Variants in ABCA12 observed in about 807,000 individuals in gnomAD.
ABCA12 encodes the protein ATP binding cassette subfamily A member 12.
ABCA12 carries 156 observed loss-of-function variants against 293.5 expected under a neutral mutation model. The observed-to-expected ratio is 0.53, with a 90% CI of 0.47 to 0.61. The LOEUF is 0.61. Among genes scored for constraint, ABCA12 ranks in the 20% least tolerant of loss-of-function variants. The pLI is 0.00. For missense variants in ABCA12, 2,797 were observed against 3,090.2 expected (o/e 0.91, Z 2.25); for synonymous variants, 1,063 against 1,108.0 (o/e 0.96, Z 0.81).
intron 2 of ABCA12, among the ~76,000 whole-genome samples, chr2:215,068,796 T>A (rs1701683042): frequency 6.6e-6 from 1 of 152,204 alleles, no homozygotes; most frequent in Admixed American, 6.5e-5. Context: ...TCTCAATGTC[T>A]TCCTTTACTT....
chr2:214,946,260 GTTA>G (rs1324741293), intron 48 of ABCA12, among the ~76,000 whole-genome samples: 2 of 152,056 alleles, frequency 1.3e-5, no homozygotes, highest in East Asian at 3.8e-4. Context: ...AGAAATTAGT[GTTA>G]ATTTGGGGAA....
intron 50 of ABCA12, among the ~76,000 whole-genome samples, chr2:214,938,014 G>A (rs1362197312): frequency 3.3e-5 from 5 of 152,012 alleles, no homozygotes; most frequent in African/African-American, 1.2e-4. Context: ...GTGCAGGTTT[G>A]TTTCATAGGT....
intron 11 of ABCA12, chr2:215,022,961 AAAGAT>A (rs1700661621): frequency 6.6e-6 from 1 of 152,354 alleles, no homozygotes; most frequent in East Asian, 1.9e-4. Flanking sequence ...TGGAAAGAAA[AAAGAT>A]AAAACAATGA....
At chr2:214,959,437 C>T (rs1359851508) in intron 39 of ABCA12, among the ~76,000 whole-genome samples, 6 of 152,064 alleles carry the variant, frequency 3.9e-5, no homozygotes, top group Non-Finnish European at 8.8e-5. Context: ...GCACTTCAGA[C>T]ATGTATTACA....
At chr2:215,054,111 G>C (rs1418777269) in intron 4 of ABCA12, among the ~76,000 whole-genome samples, 1 of 152,060 alleles carries the variant, frequency 6.6e-6, no homozygotes, top group Non-Finnish European at 1.5e-5. Flanking sequence ...AAGAGTACTG[G>C]CCTGGAAGTC....
intron 1 of ABCA12, among the ~76,000 whole-genome samples, chr2:215,133,432 C>T (rs1046016551): frequency 5.3e-5 from 8 of 151,974 alleles, no homozygotes; most frequent in Admixed American, 6.5e-5. Flanking sequence ...TACATAATCT[C>T]ATACTTCTCA....
chr2:215,025,628 GTTTTTTT>G, intron 11 of ABCA12, 38 bp downstream of exon 11: 1 of 1,203,818 alleles, frequency 8.3e-7, no homozygotes, highest in Non-Finnish European at 1.2e-6. Flanking sequence ...TTGTCTTTTT[GTTTTTTT>G]TTTTGTTTTT....
At chr2:214,978,225 G>T in intron 33 of ABCA12, 91 bp downstream of exon 33, 1 of 1,473,178 alleles carries the variant, frequency 6.8e-7, no homozygotes, top group Non-Finnish European at 9.4e-7. Flanking sequence ...AAACTTTAGA[G>T]TTGAATTTTT....
intron 50 of ABCA12, among the ~76,000 whole-genome samples, chr2:214,940,754 G>T (rs1407301122): frequency 6.6e-6 from 1 of 151,972 alleles, no homozygotes; most frequent in African/African-American, 2.4e-5. Context: ...GTTTATTTGT[G>T]TAGAAGTGTT....
chr2:214,970,572 C>A (rs1010122847), intron 36 of ABCA12, among the ~76,000 whole-genome samples, 172 bp from the exon 37 acceptor site: 1 of 151,832 alleles, frequency 6.6e-6, no homozygotes, highest in African/African-American at 2.4e-5. Context: ...CTCACCTACA[C>A]CAAGAAATTA....
intron 1 of ABCA12, among the ~76,000 whole-genome samples, chr2:215,116,098 A>G (rs1187695174): frequency 6.6e-6 from 1 of 152,272 alleles, no homozygotes; most frequent in Non-Finnish European, 1.5e-5. Context: ...TTAGGTTAGA[A>G]TGAGCAAAAT....
chr2:215,081,095 T>G (rs1011594054), intron 2 of ABCA12, among the ~76,000 whole-genome samples: 1 of 152,218 alleles, frequency 6.6e-6, no homozygotes, highest in African/African-American at 2.4e-5. Flanking sequence ...ACCCTCAGTT[T>G]CATGTTGCAC....
At chr2:215,126,055 T>C (rs1488517656) in intron 1 of ABCA12, among the ~76,000 whole-genome samples, 1 of 152,212 alleles carries the variant, frequency 6.6e-6, no homozygotes, top group African/African-American at 2.4e-5. Context: ...AAGATGATCA[T>C]GTGATTTTTG....
chr2:214,972,981 T>C (rs915739153), intron 36 of ABCA12, among the ~76,000 whole-genome samples: 1 of 151,742 alleles, frequency 6.6e-6, no homozygotes, highest in Non-Finnish European at 1.5e-5. Context: ...GCCCAGCAAA[T>C]TTTATTTTAC....
At chr2:215,104,486 C>G (rs1007450370) in intron 2 of ABCA12, among the ~76,000 whole-genome samples, 1 of 152,118 alleles carries the variant, frequency 6.6e-6, no homozygotes, top group Non-Finnish European at 1.5e-5. Context: ...GTGATGCAGC[C>G]GTGTCCACAT....
chr2:215,056,139 G>A (rs1352908455), intron 3 of ABCA12, among the ~76,000 whole-genome samples: 5 of 152,058 alleles, frequency 3.3e-5, no homozygotes, highest in Admixed American at 2.0e-4. Context: ...GCAATGGAAA[G>A]AGCAAGAGAA....
Position 214,959,226 on chromosome 2 carries a change from T to C in ABCA12, c.5885-148A>G, listed in dbSNP as rs1574942767. 6 of 726,562 alleles carry C rather than the reference T, an allele frequency of 8.3e-6. No homozygotes were observed. In the East Asian group the frequency reaches 1.6e-4, roughly 19 times the overall value. The allele number at this position is 726,562 out of a possible 1,614,324, so 45.0% of individuals were successfully genotyped here. ...ACCTTTTTTTTTTAAAGGAAAATTA[T>C]TTTTCCCCTAATCCCATTAATGCCA... On this transcript the variant is annotated intron_variant, in intron 39 of 52. Transcript: ENST00000272895.
rs116585420 is a variant in ABCA12, at chr2:215,100,181, A to C, written c.163+11416T>G. Among the ~76,000 whole-genome samples, 1,322 of 152,040 alleles carry C rather than the reference A, an allele frequency of 8.7e-3. 18 individuals are homozygous for C. Among genetic ancestry groups the C allele is most frequent in the African/African-American group, 0.031 (1,267 of 41,448 alleles). The stretch of plus-strand genomic sequence containing the variant: ...AGGCACATACCACCACATGTGACTA[A>C]TTTTTTATTTTTATTTTTTTGTAGA... On this transcript the variant is annotated intron_variant, in intron 2 of 52. Coordinates refer to ENST00000272895, the MANE Select transcript of ABCA12 (RefSeq NM_173076.3).
chr2:214,973,963 A>C lies in ABCA12; in HGVS notation c.5548T>G (p.Ser1850Ala), dbSNP rs151083083. 1 of 1,613,886 alleles carries C rather than the reference A, an allele frequency of 6.2e-7. No homozygotes were observed. The highest frequency in any genetic ancestry group is 1.1e-5 in the South Asian group (1 of 91,074). The change falls in exon 36 of 53, where the codon TCA becomes GCA. Residue 1850 changes from serine (S) to alanine (A), a missense_variant. Transcript: ENST00000272895. ...PITNFGVCSCSENVQECPKFN... is the reference protein window; with the variant it reads ...PITNFGVCSCAENVQECPKFN... ...TTCCATCTTACCTGGACATTTTCTG[A>C]GCAGGAGCAAACACCAAAATTAGTG...
Sources: gnomAD v4.1 joint callset for allele counts (sites outside exome capture counted in the v4.1 genomes callset) on GRCh38, gnomAD v4.1.1 for gene constraint, MANE v1.5 for transcripts, NCBI Gene and HGNC (gene_info 2026-07-23, HGNC 2026-07-21) for gene names.